Variants in ATRNL1 observed in about 807,000 individuals in gnomAD.
The protein encoded by ATRNL1 is attractin-like protein 1.
A neutral mutation model predicts 182.7 loss-of-function variants in ATRNL1; 95 were observed. That is an observed-to-expected ratio of 0.52 (90% confidence interval 0.44 to 0.62). The LOEUF is 0.62. Ranked by LOEUF, ATRNL1 falls within the 20% of genes least tolerant of loss-of-function variation. The pLI, the probability that ATRNL1 is intolerant of heterozygous loss-of-function variation, is 0.00. For missense variants in ATRNL1, 1,471 were observed against 1,679.5 expected (o/e 0.88, Z 2.17); for synonymous variants, 576 against 568.3 (o/e 1.01, Z -0.19).
At chr10:115,466,651 G>GT (rs1212383380) in intron 22 of ATRNL1, among the ~76,000 whole-genome samples, 29 of 151,166 alleles carry the variant, frequency 1.9e-4, no homozygotes, top group Non-Finnish European at 2.5e-4. Flanking sequence ...GTGATCTGCT[G>GT]TTTTTTTGGA....
At chr10:115,678,789 A>G (rs902264452) in intron 26 of ATRNL1, among the ~76,000 whole-genome samples, 2 of 152,150 alleles carry the variant, frequency 1.3e-5, no homozygotes, top group Non-Finnish European at 2.9e-5. Context: ...GAACAAACCA[A>G]AAGTCCTATC....
intron 5 of ATRNL1, among the ~76,000 whole-genome samples, chr10:115,147,401 C>T (rs971473852): frequency 2.0e-5 from 3 of 152,110 alleles, no homozygotes; most frequent in Admixed American, 6.5e-5. Flanking sequence ...CAAATATTTT[C>T]TCCCATCCTG....
intron 24 of ATRNL1, among the ~76,000 whole-genome samples, chr10:115,497,936 G>A (rs1049896075): frequency 1.3e-5 from 2 of 152,088 alleles, no homozygotes; most frequent in East Asian, 1.9e-4. Context: ...GATTACAGGC[G>A]TGAGGCATTA....
At chr10:115,264,524 AAATCTCAAATTTACGTTAG>A (rs1851524354) in intron 10 of ATRNL1, among the ~76,000 whole-genome samples, 2 of 151,630 alleles carry the variant, frequency 1.3e-5, no homozygotes, top group African/African-American at 4.8e-5. Flanking sequence ...GAATTATTTT[AAATCTCAAATTTACGTTAG>A]TATATATGTC....
intron 19 of ATRNL1, among the ~76,000 whole-genome samples, chr10:115,351,235 A>C (rs1204006057): frequency 1.3e-5 from 2 of 151,886 alleles, no homozygotes; most frequent in African/African-American, 2.4e-5. Flanking sequence ...GATGCTCTTT[A>C]TTTCTTTCTT....
At chr10:115,120,653 AAG>A (rs1448444816) in intron 2 of ATRNL1, among the ~76,000 whole-genome samples, 3 of 152,238 alleles carry the variant, frequency 2.0e-5, no homozygotes, top group East Asian at 1.9e-4. Context: ...CATTTTGTAG[AAG>A]AGAGAGTTAA....
intron 20 of ATRNL1, among the ~76,000 whole-genome samples, chr10:115,408,167 C>A (rs978486403): frequency 6.6e-6 from 1 of 151,270 alleles, no homozygotes; most frequent in Non-Finnish European, 1.5e-5. Flanking sequence ...CCGCGCCCGG[C>A]TAATTTTTTG....
intron 25 of ATRNL1, among the ~76,000 whole-genome samples, chr10:115,544,319 G>T (rs951875): frequency 1.3e-5 from 2 of 152,112 alleles, no homozygotes; most frequent in South Asian, 2.1e-4. Context: ...CCAGTGGAAG[G>T]TGTAGTAGGC....
At chr10:115,133,641 G>C (rs1185221905) in intron 5 of ATRNL1, among the ~76,000 whole-genome samples, 1 of 151,964 alleles carries the variant, frequency 6.6e-6, no homozygotes, top group Non-Finnish European at 1.5e-5. Flanking sequence ...CAGATCAATA[G>C]ACAGAAGGTT....
chr10:115,621,276 TAGAGAG>T (rs1157745862), intron 26 of ATRNL1, among the ~76,000 whole-genome samples: 14 of 47,578 alleles, frequency 2.9e-4, no homozygotes, highest in African/African-American at 9.6e-4. Flanking sequence ...TATATATATA[TAGAGAG>T]AGAGAGAGAG....
At chr10:115,559,443 T>TGTGTGCGC (rs200694810) in intron 26 of ATRNL1, among the ~76,000 whole-genome samples, 84 of 77,860 alleles carry the variant, frequency 1.1e-3, no homozygotes, top group Admixed American at 2.4e-3. Context: ...TGTGTGTGTG[T>TGTGTGCGC]GCGCGCGCGC....
At chr10:115,321,240 T>G (rs938528411) in intron 18 of ATRNL1, among the ~76,000 whole-genome samples, 1 of 152,120 alleles carries the variant, frequency 6.6e-6, no homozygotes, top group Admixed American at 6.5e-5. Context: ...TCAAGGAGAC[T>G]GGAGAACAGT....
chr10:115,133,130 A>G (rs1845334413), intron 5 of ATRNL1, among the ~76,000 whole-genome samples: 1 of 152,216 alleles, frequency 6.6e-6, no homozygotes, highest in Admixed American at 6.5e-5. Context: ...GAAGAGATCT[A>G]GTTTCAGCCT....
chr10:115,933,925 G>T lies in ATRNL1; in HGVS notation c.4019-10733G>T, dbSNP rs574700856. 3.3e-5 allele frequency among the ~76,000 whole-genome samples: 5 copies of T among 152,286 alleles called. No homozygotes were observed. The South Asian group carries it at 1.0e-3, about 32-fold the overall frequency. Reference sequence around the variant, plus strand: ...GGAAGCCTCATCCACTCTAATGGCAGAGTGCTAGTTTTCCACCGAAGATTT... The same window carrying T: ...GGAAGCCTCATCCACTCTAATGGCATAGTGCTAGTTTTCCACCGAAGATTT... On this transcript the variant is annotated intron_variant, in intron 28 of 28. Transcript: ENST00000355044.
chr10:115,159,979 T>A, intron 5 of ATRNL1, 61 bp from the exon 6 acceptor site: 2 of 1,253,366 alleles, frequency 1.6e-6, no homozygotes, highest in Non-Finnish European at 2.2e-6. Context: ...CCATATGTTG[T>A]ATTTCTATAA....
intron 8 of ATRNL1, among the ~76,000 whole-genome samples, chr10:115,205,038 C>T (rs1481057980): frequency 2.6e-5 from 4 of 151,948 alleles, no homozygotes; most frequent in Admixed American, 6.6e-5. Flanking sequence ...ACTTTTATGC[C>T]AACTCTACCC....
chr10:115,632,429 ACTC>A (rs1555026707), intron 26 of ATRNL1, among the ~76,000 whole-genome samples: 1 of 151,992 alleles, frequency 6.6e-6, no homozygotes, highest in Admixed American at 6.6e-5. Context: ...ATAAATAAGA[ACTC>A]CTGTTATATT....
At chr10:115,216,388 C>T (rs1592272874) in intron 9 of ATRNL1, among the ~76,000 whole-genome samples, 1 of 152,216 alleles carries the variant, frequency 6.6e-6, no homozygotes, top group Middle Eastern at 3.4e-3. Context: ...GGGTATGTGT[C>T]CCTGATCCTT....
At chr10:115,250,483 G>C (rs1412270571) in intron 10 of ATRNL1, among the ~76,000 whole-genome samples, 1 of 152,170 alleles carries the variant, frequency 6.6e-6, no homozygotes, top group African/African-American at 2.4e-5. Context: ...TAGCTGCAGA[G>C]TTGCATGCAG....
Sources: gnomAD v4.1 joint callset for allele counts (sites outside exome capture counted in the v4.1 genomes callset) on GRCh38, gnomAD v4.1.1 for gene constraint, MANE v1.5 for transcripts, NCBI Gene and HGNC (gene_info 2026-07-23, HGNC 2026-07-21) for gene names.